CDH26: variants seen among roughly 807,000 people sequenced by gnomAD.
CDH26 encodes the protein cadherin-like protein 26.
A neutral mutation model predicts 90.3 loss-of-function variants in CDH26; 83 were observed. The observed-to-expected ratio is 0.92, with a 90% CI of 0.77 to 1.10. CDH26 has a LOEUF of 1.10. Ranked by LOEUF, CDH26 falls within the 50% of genes least tolerant of loss-of-function variation. The pLI is 0.00. For synonymous variants in CDH26, 397 were observed against 396.3 expected, an observed-to-expected ratio of 1.00 and a Z score of -0.02; for missense variants, 1,013 against 1,037.6, an observed-to-expected ratio of 0.98 and a Z score of 0.33.
downstream of CDH26, among the ~76,000 whole-genome samples, chr20:60,014,957 A>AT (rs1429814496): frequency 4.6e-5 from 7 of 152,234 alleles, no homozygotes; most frequent in African/African-American, 1.7e-4. Context: ...CCTCACCAGC[A>AT]TTTGCTTTCT....
intron 7 of CDH26, among the ~76,000 whole-genome samples, chr20:60,021,883 CACACACACACACACAT>C (rs2061958762): frequency 3.1e-5 from 2 of 65,544 alleles, no homozygotes; most frequent in Admixed American, 1.6e-4. Context: ...CACACACACA[CACACACACACACACAT>C]ATATATATAT....
chr20:59,987,664 A>G (rs762909752), intron 8 of CDH26, 26 bp downstream of exon 8: 4 of 1,579,400 alleles, frequency 2.5e-6, no homozygotes, highest in Non-Finnish European at 3.4e-6. Flanking sequence ...TGACATACCA[A>G]CCAGTTAGTG....
In CDH26 at chr20:59,994,406, A is replaced by G; in HGVS notation, c.1583A>G (p.Glu528Gly). ...LHIEAEDPDL[E>G]PFSDPFTFEL... The stretch of plus-strand genomic sequence containing the variant: ...ATCGAGGCAGAGGATCCGGACCTGG[A>G]GCCGTTCTCTGACCCATTTACATTT... The change falls in exon 11 of 18, where the codon GAG becomes GGG. Residue 528 changes from glutamate to glycine, a missense_variant. Coordinates refer to ENST00000348616, the MANE Select transcript of CDH26 (RefSeq NM_177980.4). The G allele has an allele frequency of 6.2e-7, 1 of 1,614,126 alleles. No individual in the cohort carries two copies. The highest frequency in any genetic ancestry group is 8.5e-7 in the Non-Finnish European group (1 of 1,180,022).
Position 59,994,285 on chromosome 20 carries a change from C to T in CDH26, c.1462C>T (p.Leu488Phe). The T allele has an allele frequency of 6.2e-7, 1 of 1,613,990 alleles. No homozygotes were observed. The highest frequency in any genetic ancestry group is 8.5e-7 in the Non-Finnish European group (1 of 1,180,008). The change falls in exon 11 of 18, where the codon CTC becomes TTC. Residue 488 changes from leucine to phenylalanine, a missense_variant. Coordinates refer to ENST00000348616, the MANE Select transcript of CDH26 (RefSeq NM_177980.4). Reference protein sequence around the residue: ...PPQTATGTLMLFLSDINDNVP... With the variant: ...PPQTATGTLMFFLSDINDNVP... ...GCAGACTGCTACAGGGACCCTAATGCTCTTCCTGTCTGACATCAATGACAA... is the reference window on the plus strand; with the variant it reads ...GCAGACTGCTACAGGGACCCTAATGTTCTTCCTGTCTGACATCAATGACAA...
intron 1 of CDH26, among the ~76,000 whole-genome samples, chr20:59,964,603 A>G (rs2061123169): frequency 6.6e-6 from 1 of 152,242 alleles, no homozygotes; most frequent in African/African-American, 2.4e-5. Context: ...GTCTTCCTGC[A>G]TCACCCAGAT....
At chr20:59,996,536 A>G in intron 12 of CDH26, 95 bp from the exon 13 acceptor site, 10 of 1,614,112 alleles carry the variant, frequency 6.2e-6, no homozygotes, top group Non-Finnish European at 8.5e-6. Context: ...TTGCCAGTTC[A>G]TGACTGAGTT....
intron 1 of CDH26, among the ~76,000 whole-genome samples, chr20:59,967,918 CCT>C (rs2061186895): frequency 7.5e-6 from 1 of 132,946 alleles, no homozygotes; most frequent in African/African-American, 3.0e-5. Context: ...CCTTTCCTTT[CCT>C]TTCCTTTCCT....
chr20:59,974,538 G>A (rs1039641050), intron 4 of CDH26, among the ~76,000 whole-genome samples: 1 of 152,158 alleles, frequency 6.6e-6, no homozygotes, highest in African/African-American at 2.4e-5. Context: ...ACCATTTAGA[G>A]CAAAGAGTGA....
chr20:59,969,075 A>G (rs1183162997), intron 2 of CDH26, 52 bp downstream of exon 2: 2 of 1,148,124 alleles, frequency 1.7e-6, no homozygotes, highest in East Asian at 4.7e-5. Flanking sequence ...TCTACACTTG[A>G]CTTAGAGACA....
chr20:59,993,817 C>T lies in CDH26; in HGVS notation c.1427-433C>T, dbSNP rs146881678. Among the ~76,000 whole-genome samples the T allele has an allele frequency of 6.3e-4, 96 of 152,186 alleles. 1 individual carries two copies. In the East Asian group the frequency reaches 0.016, roughly 26 times the overall value. ...TCCTGAGTATCCTTTGCCAGTTTTC[C>T]CCAGGGGCAACACCTTGCAGGACTA... On this transcript the variant is annotated intron_variant, in intron 10 of 17. Transcript: ENST00000348616.
chr20:59,988,605 G>A (rs1315565986), intron 8 of CDH26, among the ~76,000 whole-genome samples: 1 of 152,028 alleles, frequency 6.6e-6, no homozygotes, highest in Non-Finnish European at 1.5e-5. Flanking sequence ...TTTGCTGCAT[G>A]GTTGTCTCAT....
intron 7 of CDH26, among the ~76,000 whole-genome samples, chr20:60,029,084 G>A (rs1226584622): frequency 6.6e-6 from 1 of 152,226 alleles, no homozygotes; most frequent in Non-Finnish European, 1.5e-5. Context: ...GGGACACAGA[G>A]GGATGAGGAT....
chr20:59,977,860 C>G (rs2061345455), intron 4 of CDH26, among the ~76,000 whole-genome samples: 1 of 152,192 alleles, frequency 6.6e-6, no homozygotes, highest in South Asian at 2.1e-4. Flanking sequence ...ATGTGTCCAC[C>G]ATGACAGTGT....
intron 1 of CDH26, among the ~76,000 whole-genome samples, chr20:59,963,247 T>G (rs1435065218): frequency 1.5e-5 from 2 of 134,946 alleles, no homozygotes; most frequent in Middle Eastern, 3.8e-3. Flanking sequence ...GAGGGGTAGA[T>G]AAGGATTTTT....
At chr20:60,021,514 G>C (rs540050515) in intron 7 of CDH26, among the ~76,000 whole-genome samples, 1 of 152,204 alleles carries the variant, frequency 6.6e-6, no homozygotes, top group South Asian at 2.1e-4. Flanking sequence ...GACATCTTAA[G>C]ATGTATTCAT....
intron 1 of CDH26, among the ~76,000 whole-genome samples, chr20:59,964,464 G>A (rs991718681): frequency 1.3e-5 from 2 of 148,190 alleles, no homozygotes; most frequent in Non-Finnish European, 3.0e-5. Context: ...CCACACCACC[G>A]CATTATAGAA....
At chr20:59,998,467 A>G (rs1601172352) in intron 13 of CDH26, among the ~76,000 whole-genome samples, 1 of 152,186 alleles carries the variant, frequency 6.6e-6, no homozygotes, top group African/African-American at 2.4e-5. Flanking sequence ...TGATGCTAAG[A>G]CCAGGAGGGT....
At chr20:60,007,185 C>T (rs1031960452) in intron 17 of CDH26, among the ~76,000 whole-genome samples, 3 of 152,158 alleles carry the variant, frequency 2.0e-5, no homozygotes, top group African/African-American at 7.2e-5. Context: ...CCCAAAGGCT[C>T]CGTCTTCAAA....
Position 60,001,547 on chromosome 20 carries a change from G to C in CDH26, c.2166+136G>C, listed in dbSNP as rs909650770. 1.3e-5 allele frequency: 18 copies of C among 1,420,066 alleles called. No homozygotes were observed. In the African/African-American group the frequency reaches 2.4e-4, roughly 19 times the overall value. The allele number at this position is 1,420,066 out of a possible 1,614,324, so 88.0% of individuals were successfully genotyped here. ...CACATAGTCAATGAAAATCTGAGAAGCTGGGCTTTTTCCACCCGACTCTAT... is the reference window on the plus strand; with the variant it reads ...CACATAGTCAATGAAAATCTGAGAACCTGGGCTTTTTCCACCCGACTCTAT... On this transcript the variant is annotated intron_variant, in intron 15 of 17. Coordinates refer to ENST00000348616, the MANE Select transcript of CDH26 (RefSeq NM_177980.4).
Sources: gnomAD v4.1 joint callset for allele counts (sites outside exome capture counted in the v4.1 genomes callset) on GRCh38, gnomAD v4.1.1 for gene constraint, MANE v1.5 for transcripts, NCBI Gene and HGNC (gene_info 2026-07-23, HGNC 2026-07-21) for gene names.